The following PHACTR2 variants were observed in gnomAD, a reference collection of about 807,000 sequenced individuals.
PHACTR2 encodes chromosome 6 open reading frame 56.
Under a neutral mutation model 76.0 loss-of-function variants are expected in PHACTR2, and 30 were observed. The observed-to-expected ratio is 0.39, with a 90% CI of 0.30 to 0.54. PHACTR2 has a LOEUF of 0.54. PHACTR2 is among the 20% of genes least tolerant of loss of function. The pLI, the probability that PHACTR2 is intolerant of heterozygous loss-of-function variation, is 0.61. For missense variants in PHACTR2, 696 were observed against 781.1 expected (o/e 0.89, Z 1.30); for synonymous variants, 292 against 292.5 (o/e 1.00, Z 0.02).
chr6:143,735,488 C>T (rs1207007687), intron 2 of PHACTR2, among the ~76,000 whole-genome samples: 1 of 152,182 alleles, frequency 6.6e-6, no homozygotes, highest in African/African-American at 2.4e-5. Context: ...TTTAGGTTTA[C>T]GGTTCAGTAG....
Position 143,709,467 on chromosome 6 carries a change from T to C in PHACTR2, c.47-2549T>C, listed in dbSNP as rs1241227773. 1.5e-4 allele frequency among the ~76,000 whole-genome samples: 23 copies of C among 152,244 alleles called. No homozygotes were observed. On this transcript the variant is annotated intron_variant, in intron 1 of 12. Coordinates refer to ENST00000440869, the MANE Select transcript of PHACTR2 (RefSeq NM_001100164.2). This position sits in a 1 kb window ranked among gnomAD's most constrained non-coding sequence, Gnocchi z 4.4. Reference sequence around the variant, plus strand: ...AGTTTGAGATTTTCCTGGTTCTTAGTGTGTCAAGTGATTTTCGATGGAAAC... The same window carrying C: ...AGTTTGAGATTTTCCTGGTTCTTAGCGTGTCAAGTGATTTTCGATGGAAAC...
At chr6:143,736,724 C>T (rs1344018367) in intron 2 of PHACTR2, among the ~76,000 whole-genome samples, 2 of 151,488 alleles carry the variant, frequency 1.3e-5, no homozygotes, top group Non-Finnish European at 2.9e-5. Context: ...CAGGCACCCG[C>T]CACCATGCCC....
chr6:143,813,394 T>C (rs1048356994), intron 12 of PHACTR2, among the ~76,000 whole-genome samples: 3 of 151,960 alleles, frequency 2.0e-5, no homozygotes, highest in African/African-American at 7.3e-5. Flanking sequence ...CTGAGGTCGG[T>C]GGATCACGAG....
intron 1 of PHACTR2, among the ~76,000 whole-genome samples, chr6:143,574,224 C>G (rs748041900): frequency 1.3e-5 from 2 of 152,230 alleles, no homozygotes; most frequent in Non-Finnish European, 2.9e-5. Flanking sequence ...CGTGGCTGCT[C>G]AGTTCCTCAA....
Position 143,596,318 on chromosome 6 carries a change from G to A in PHACTR2, c.217+59111G>A, listed in dbSNP as rs940811152. The stretch of plus-strand genomic sequence containing the variant: ...CCAAGTTGGGAGCGGCTAACTAAGC[G>A]GGTCGTCCTTTCTCAGAAGGTTTAT... On this transcript the variant is annotated intron_variant, in intron 1 of 11. Transcript: ENST00000367584. The surrounding 1 kb of genome is among the most constrained non-coding windows in gnomAD (Gnocchi z 4.6). 5.3e-5 allele frequency among the ~76,000 whole-genome samples: 8 copies of A among 151,792 alleles called. No homozygotes were observed. The highest frequency in any genetic ancestry group is 1.7e-4 in the African/African-American group (7 of 41,272).
intron 4 of PHACTR2, among the ~76,000 whole-genome samples, chr6:143,756,654 G>A (rs79415567): frequency 2.7e-5 from 4 of 147,442 alleles, no homozygotes; most frequent in East Asian, 2.0e-4. Context: ...AGCCGAGATC[G>A]CACCACTGCA....
rs193136117 is a variant in PHACTR2 at position 143,748,766 on chromosome 6, A to G, written c.215-219A>G. 2.8e-3 allele frequency among the ~76,000 whole-genome samples: 433 copies of G among 152,360 alleles called. 3 individuals carry two copies. Among genetic ancestry groups the G allele is most frequent in the African/African-American group, 0.01 (416 of 41,594 alleles). On this transcript the variant is annotated intron_variant, in intron 2 of 12. Transcript: ENST00000440869. ...GCCAAAGGTGGCCATTTGAAAGACC[A>G]GGGATGGCGGTTGGACTTCAGATCA... is the stretch of plus-strand genomic sequence containing the variant.
At chr6:143,702,466 T>A (rs1335654246) in intron 1 of PHACTR2, among the ~76,000 whole-genome samples, 2 of 152,178 alleles carry the variant, frequency 1.3e-5, no homozygotes, top group Non-Finnish European at 2.9e-5. Flanking sequence ...GGAGTGTTGC[T>A]GGTTCACCAT....
At chr6:143,643,949 A>C (rs148842598) in intron 1 of PHACTR2, among the ~76,000 whole-genome samples, 63 of 152,332 alleles carry the variant, frequency 4.1e-4, no homozygotes, top group African/African-American at 1.5e-3. Flanking sequence ...GATTAGAAGC[A>C]GGGTGATTTC....
rs1417673494 is a variant in PHACTR2, at chr6:143,557,721, CCTT to C, written c.217+20516_217+20518del. ...ACCAGTTCCTTGCGTACCCCACCCTCCTTCGTCAGCATGCTGCCACCTTTGAAA... is the reference window on the plus strand; with the variant it reads ...ACCAGTTCCTTGCGTACCCCACCCTCCGTCAGCATGCTGCCACCTTTGAAA... On this transcript the variant is annotated intron_variant, in intron 1 of 11. Transcript: ENST00000367584. The surrounding 1 kb of genome is among the most constrained non-coding windows in gnomAD (Gnocchi z 5.5). 1 of 152,224 alleles carries C rather than the reference CCTT, an allele frequency of 6.6e-6. No individual in the cohort carries two copies. The highest frequency in any genetic ancestry group is 6.5e-5 in the Admixed American group (1 of 15,290). The allele number at this position is 152,224 out of a possible 1,614,324, so 9.4% of individuals were successfully genotyped here.
chr6:143,693,280 C>G (rs988061249), intron 1 of PHACTR2, among the ~76,000 whole-genome samples: 2 of 152,062 alleles, frequency 1.3e-5, no homozygotes, highest in East Asian at 3.8e-4. Flanking sequence ...CTCCATCACC[C>G]AGGCTGGAGT....
At chr6:143,660,164 A>G (rs1178951404) in intron 1 of PHACTR2, among the ~76,000 whole-genome samples, 1 of 150,008 alleles carries the variant, frequency 6.7e-6, no homozygotes, top group Non-Finnish European at 1.5e-5. Context: ...TCCTTTTCCT[A>G]TTTCTCCTGG....
chr6:143,580,797 A>C lies in PHACTR2; in HGVS notation c.217+43590A>C, dbSNP rs899771501. Among the ~76,000 whole-genome samples the C allele has an allele frequency of 6.6e-6, 1 of 152,202 alleles. No homozygotes were observed. Among genetic ancestry groups the C allele is most frequent in the African/African-American group, 2.4e-5 (1 of 41,446 alleles). On this transcript the variant is annotated intron_variant, in intron 1 of 11. Coordinates refer to the PHACTR2 transcript ENST00000367584. This position sits in a 1 kb window ranked among gnomAD's most constrained non-coding sequence, Gnocchi z 4.2. ...TCTCTGAAGACAAGAAGGTGAGATAATTAAGAGACTTAGGTTTTGGATGGG... is the reference window on the plus strand; with the variant it reads ...TCTCTGAAGACAAGAAGGTGAGATACTTAAGAGACTTAGGTTTTGGATGGG...
chr6:143,720,816 T>A (rs1778424114), intron 2 of PHACTR2, among the ~76,000 whole-genome samples: 1 of 152,164 alleles, frequency 6.6e-6, no homozygotes, highest in Non-Finnish European at 1.5e-5. Flanking sequence ...TCTCGCTATG[T>A]TGCCCAGGCT....
intron 1 of PHACTR2, among the ~76,000 whole-genome samples, chr6:143,645,236 G>A (rs1776639272): frequency 6.6e-6 from 1 of 151,836 alleles, no homozygotes; most frequent in East Asian, 1.9e-4. Flanking sequence ...CCAGAAATAT[G>A]GAGCCAGCCC....
intron 1 of PHACTR2, among the ~76,000 whole-genome samples, chr6:143,552,236 G>A (rs1775105844): frequency 6.6e-6 from 1 of 151,854 alleles, no homozygotes; most frequent in African/African-American, 2.4e-5. Flanking sequence ...GTGTGGTGAG[G>A]GAGGTTAATG....
In PHACTR2 at chr6:143,678,065, C is replaced by A; in HGVS notation, c.-99C>A. 1 of 1,538,492 alleles carries A rather than the reference C, an allele frequency of 6.5e-7. No homozygotes were observed. The highest frequency in any genetic ancestry group is 1.2e-5 in the South Asian group (1 of 83,554). ...GACCCGGCGGGCCGCTCGGCACAGG[C>A]CGGGACATGAACGCCTGGAAGTCTG... On this transcript the variant is annotated 5_prime_UTR_variant, in exon 1 of 13. Transcript: ENST00000440869. This position sits in a 1 kb window ranked among gnomAD's most constrained non-coding sequence, Gnocchi z 6.2.
intron 1 of PHACTR2, among the ~76,000 whole-genome samples, chr6:143,638,579 A>ACG (rs1466942227): frequency 1.2e-5 from 1 of 81,236 alleles, no homozygotes; most frequent in African/African-American, 3.0e-5. Flanking sequence ...ACACACATAC[A>ACG]CACACACACA....
chr6:143,628,772 A>G (rs1321580097), intron 1 of PHACTR2, among the ~76,000 whole-genome samples: 1 of 151,626 alleles, frequency 6.6e-6, no homozygotes, highest in Non-Finnish European at 1.5e-5. Context: ...GGGAAGAGGG[A>G]GATCATTGTT....
Sources: gnomAD v4.1 joint callset for allele counts (sites outside exome capture counted in the v4.1 genomes callset) on GRCh38, gnomAD v4.1.1 for gene constraint, Gnocchi (gnomAD v3.1) non-coding constraint, MANE v1.5 for transcripts, NCBI Gene and HGNC (gene_info 2026-07-23, HGNC 2026-07-21) for gene names.